Variants in NOB1 observed in about 807,000 individuals in gnomAD.
NOB1 encodes RNA-binding protein NOB1.
A neutral mutation model predicts 44.8 loss-of-function variants in NOB1; 44 were observed. The observed-to-expected ratio is 0.98, with a 90% CI of 0.77 to 1.26. The LOEUF (loss-of-function observed/expected upper bound fraction) is 1.26, where lower values mean the gene tolerates loss of function less well. NOB1 is among the 50% of genes most tolerant of loss of function. The probability of loss-of-function intolerance (pLI) is 0.00; values close to 1 mark genes in which losing one functional copy is unlikely to be tolerated. For missense variants in NOB1, 560 were observed against 544.8 expected, an observed-to-expected ratio of 1.03 and a Z score of -0.28; for synonymous variants, 238 against 218.7, an observed-to-expected ratio of 1.09 and a Z score of -0.78.
At chr16:69,745,697 C>T (rs1354839422) in intron 7 of NOB1, among the ~76,000 whole-genome samples, 4 of 152,180 alleles carry the variant, frequency 2.6e-5, no homozygotes, top group Admixed American at 1.3e-4. Flanking sequence ...CTGCTATCAG[C>T]GGCAAAGCAG....
At chr16:69,747,828 T>C (rs1195631049) in intron 7 of NOB1, among the ~76,000 whole-genome samples, 5 of 151,856 alleles carry the variant, frequency 3.3e-5, no homozygotes, top group Admixed American at 3.3e-4. Flanking sequence ...GAAACACACA[T>C]AATGTAGGGT....
rs150208831 is a variant in NOB1 at position 69,749,101 on chromosome 16, G to A, written c.543C>T (p.Asp181=). The A allele has an allele frequency of 1.8e-5, 29 of 1,614,068 alleles. No homozygotes were observed. Among genetic ancestry groups the A allele is most frequent in the Middle Eastern group, 1.6e-4 (1 of 6,084 alleles). ...CCTCCTCCTCCTCCTCACTTGGAAC[G>A]TCCTCACCTCTGTCAATCTGAAACA... ...LQELLIDRGE[D]VPSEEEEEEE... Residue 181 remains aspartate, a synonymous_variant, in exon 6 of 9, where the codon GAC becomes GAT. Transcript: ENST00000268802.
chr16:69,749,680 T>A, intron 3 of NOB1, 50 bp from the exon 4 acceptor site: 1 of 1,448,462 alleles, frequency 6.9e-7, no homozygotes, highest in African/African-American at 1.4e-5. Flanking sequence ...ATTAAAGATA[T>A]CCAGTTTTTT....
At position 69,754,861 on chromosome 16, in the gene NOB1, T is replaced by G; in HGVS notation, c.50A>C (p.His17Pro). ...AGCTCCCCGTACCTGCAGAGCCGCA[T>G]GCCGCAGGAAAGCCCCAGCATCCGC... The part of the protein sequence containing the change: ...VVADAGAFLR[H>P]AALQDIGKNI... The change falls in exon 1 of 9, where the codon CAT becomes CCT. Residue 17 changes from histidine to proline, a missense_variant. By Grantham distance (77) the His-to-Pro change is moderately conservative (BLOSUM62 -2). Transcript: ENST00000268802. The G allele has an allele frequency of 1.9e-6, 3 of 1,598,866 alleles. No individual in the cohort carries two copies. Among genetic ancestry groups the G allele is most frequent in the Non-Finnish European group, 1.7e-6 (2 of 1,173,600 alleles).
At chr16:69,751,532 A>T (rs1303732302) in intron 3 of NOB1, among the ~76,000 whole-genome samples, 1 of 152,064 alleles carries the variant, frequency 6.6e-6, no homozygotes, top group Non-Finnish European at 1.5e-5. Flanking sequence ...ACTGAGACAC[A>T]CTTGCCAATT....
intron 7 of NOB1, among the ~76,000 whole-genome samples, chr16:69,747,375 GA>G (rs2151753533): frequency 6.6e-6 from 1 of 152,076 alleles, no homozygotes; most frequent in East Asian, 1.9e-4. Context: ...TCGTCTCAAA[GA>G]AAAGAATCTG....
At chr16:69,753,648 G>C (rs531218742) in intron 2 of NOB1, among the ~76,000 whole-genome samples, 1 of 152,302 alleles carries the variant, frequency 6.6e-6, no homozygotes, top group Non-Finnish European at 1.5e-5. Context: ...GGAGAAAATC[G>C]TAGAAATCAC....
Position 69,748,988 on chromosome 16 carries a change from T to G in NOB1, c.656A>C (p.Gln219Pro). 1 of 1,613,368 alleles carries G rather than the reference T, an allele frequency of 6.2e-7. No individual in the cohort carries two copies. The highest frequency in any genetic ancestry group is 8.5e-7 in the Non-Finnish European group (1 of 1,179,200). Residue 219 changes from glutamine (Q) to proline (P), a missense_variant, in exon 6 of 9, where the codon CAG becomes CCG. Transcript: ENST00000268802. ...GGGGACGTCACACTGCTCCAGCTCC[T>G]GCTGGATCTGCTTGATGTTACTGGG... is the stretch of plus-strand genomic sequence containing the variant. ...ITPSNIKQIQ[Q>P]ELEQCDVPED...
At chr16:69,752,940 AAAG>A (rs1236658114) in intron 2 of NOB1, among the ~76,000 whole-genome samples, 1 of 151,738 alleles carries the variant, frequency 6.6e-6, no homozygotes, top group South Asian at 2.1e-4. Context: ...TTCTCAAAAA[AAAG>A]AAGAAAGTTG....
At chr16:69,753,433 A>G (rs1245358528) in intron 2 of NOB1, among the ~76,000 whole-genome samples, 1 of 152,258 alleles carries the variant, frequency 6.6e-6, no homozygotes, top group East Asian at 1.9e-4. Context: ...TGGTACAAGG[A>G]ACACTAGGTA....
At chr16:69,754,167 A>T (rs2038505056) in intron 2 of NOB1, among the ~76,000 whole-genome samples, 1 of 152,224 alleles carries the variant, frequency 6.6e-6, no homozygotes, top group Non-Finnish European at 1.5e-5. Context: ...CCAGGTGCAG[A>T]TCTTTGTATC....
intron 7 of NOB1, among the ~76,000 whole-genome samples, chr16:69,745,522 G>A (rs2038423213): frequency 6.6e-6 from 1 of 152,292 alleles, no homozygotes; most frequent in African/African-American, 2.4e-5. Context: ...TGTCAGCCTG[G>A]GTGTTAACTC....
chr16:69,751,959 C>T (rs1056224599), intron 3 of NOB1, among the ~76,000 whole-genome samples: 2 of 151,892 alleles, frequency 1.3e-5, no homozygotes, highest in African/African-American at 4.8e-5. Flanking sequence ...CAACTACTCT[C>T]GAGACTGAGG....
chr16:69,743,030 T>G (rs1448604834), intron 8 of NOB1, among the ~76,000 whole-genome samples: 2 of 152,140 alleles, frequency 1.3e-5, no homozygotes, highest in African/African-American at 4.8e-5. Flanking sequence ...TGGCGGATTC[T>G]GGGGCACAGG....
rs543879465 is a variant in NOB1, at chr16:69,745,886, G to T, written c.825-869C>A. ...TTTGTACATCAAACTGTGCAGTCAC[G>T]GGGCTAATCTGACAAGCATGAAGAA... On this transcript the variant is annotated intron_variant, in intron 7 of 8. Coordinates refer to ENST00000268802, the MANE Select transcript of NOB1 (RefSeq NM_014062.3). 3.3e-5 allele frequency among the ~76,000 whole-genome samples: 5 copies of T among 152,348 alleles called. No homozygotes were observed. In the South Asian group the frequency reaches 1.0e-3, roughly 32 times the overall value.
Position 69,744,881 on chromosome 16 carries a change from C to T in NOB1, c.961G>A (p.Gly321Ser), listed in dbSNP as rs763441100. The T allele has an allele frequency of 7.4e-6, 12 of 1,612,964 alleles. No individual in the cohort carries two copies. The highest frequency in any genetic ancestry group is 2.2e-5 in the South Asian group (2 of 90,968). The change falls in exon 8 of 9, where the codon GGC becomes AGC. Residue 321 changes from glycine to serine, a missense_variant. Gly to Ser is a moderately conservative substitution (Grantham distance 56, BLOSUM62 0). Coordinates refer to ENST00000268802, the MANE Select transcript of NOB1 (RefSeq NM_014062.3). Reference protein sequence around the residue: ...SRNPKVLNPRGLRYSLPTPKG... With the variant: ...SRNPKVLNPRSLRYSLPTPKG... ...GGAGAGGCGCCACTCACCCGGAGGC[C>T]GCGGGGGTTCAGCACCTTGGGGTTG...
Position 69,749,158 on chromosome 16 carries a change from G to A in NOB1, c.526-40C>T, listed in dbSNP as rs775878759. On this transcript the variant is annotated intron_variant, in intron 5 of 8. Coordinates refer to ENST00000268802, the MANE Select transcript of NOB1 (RefSeq NM_014062.3). ...GACCTTTCAAACTCCCAACCCACAG[G>A]AGCAGTGGAGGAGAAGTTGAGCTGT... The A allele has an allele frequency of 5.6e-6, 9 of 1,613,576 alleles. No individual in the cohort carries two copies. In the East Asian group the frequency reaches 8.9e-5, roughly 16 times the overall value.
At position 69,742,018 on chromosome 16, in the gene NOB1, T is replaced by C. The variant is rs1003896119; in HGVS notation, c.*314A>G. The C allele has an allele frequency of 3.5e-6, 1 of 289,500 alleles. No individual in the cohort carries two copies. Among genetic ancestry groups the C allele is most frequent in the Admixed American group, 4.8e-5 (1 of 20,900 alleles). The allele number at this position is 289,500 out of a possible 1,614,324, so 17.9% of individuals were successfully genotyped here. A position where few individuals can be genotyped will look rare whatever the true frequency, so the allele number is the denominator to read the frequency against. On this transcript the variant is annotated 3_prime_UTR_variant, in exon 9 of 9. Transcript: ENST00000268802. ...CCTATTTAATTAAATGCACAGGAGG[T>C]TGCAGCCGCATTTATTAGAAAAATA...
At position 69,742,409 on chromosome 16, in the gene NOB1, G is replaced by T; in HGVS notation, c.1162C>A (p.Arg388=). The T allele has an allele frequency of 6.2e-7, 1 of 1,614,244 alleles. No individual in the cohort carries two copies. Among genetic ancestry groups the T allele is most frequent in the Non-Finnish European group, 8.5e-7 (1 of 1,180,032 alleles). ...CGCCCAGCTCCCAAGGTGCTGTCCC[G>T]GACCTGCAGGGTAGCTGAGCGGCTG... ...ISSRSATLQV[R]DSTLGAGRRR... Residue 388 remains arginine, a synonymous_variant, in exon 9 of 9, where the codon CGG becomes AGG. Transcript: ENST00000268802.
Sources: gnomAD v4.1 joint callset for allele counts (sites outside exome capture counted in the v4.1 genomes callset) on GRCh38, gnomAD v4.1.1 for gene constraint, MANE v1.5 for transcripts, NCBI Gene and HGNC (gene_info 2026-07-23, HGNC 2026-07-21) for gene names.